Variants in RAPSN observed in about 807,000 individuals in gnomAD.
RAPSN encodes the protein receptor associated protein of the synapse, also known as 43 kDa receptor-associated protein of the synapse.
In RAPSN, 33 loss-of-function variants were observed where a neutral mutation model predicts 45.7. The observed-to-expected ratio is 0.72, with a 90% CI of 0.55 to 0.97. The LOEUF (loss-of-function observed/expected upper bound fraction) is 0.97. Among genes scored for constraint, RAPSN ranks in the 50% least tolerant of loss-of-function variants. The pLI, the probability that RAPSN is intolerant of heterozygous loss-of-function variation, is 0.00. For missense variants in RAPSN, 519 were observed against 559.4 expected, an observed-to-expected ratio of 0.93 and a Z score of 0.73; for synonymous variants, 244 against 233.6, an observed-to-expected ratio of 1.04 and a Z score of -0.40.
chr11:47,447,769 C>T (rs1009572970), intron 2 of RAPSN, 43 bp downstream of exon 2: 15 of 1,572,170 alleles, frequency 9.5e-6, no homozygotes, highest in Non-Finnish European at 1.3e-5. Context: ...GAGAGGGGAG[C>T]CCCAAAACCC....
chr11:47,441,616 C>G lies in RAPSN; in HGVS notation c.907G>C (p.Asp303His), dbSNP rs1420860393. Residue 303 changes from aspartate (D) to histidine (H), a missense_variant, in exon 5 of 8, where the codon GAC (aspartate) becomes CAC (histidine). Asp to His is a moderately conservative substitution (Grantham distance 81, BLOSUM62 -1). Transcript: ENST00000298854. ...AKCWVARKAL[D>H]KALDAIERAQ... ...TGGGAAAGGCCCGACCTCACCTTGT[C>G]CAGCGCCTTCCTGGCCACCCAGCAC... The G allele has an allele frequency of 6.2e-7, 1 of 1,606,420 alleles. No individual in the cohort carries two copies.
At chr11:47,447,682 C>T in intron 2 of RAPSN, 130 bp downstream of exon 2, 5 of 1,110,092 alleles carry the variant, frequency 4.5e-6, no homozygotes, top group Admixed American at 4.7e-5. Flanking sequence ...AGCCTTTTTG[C>T]TCTCTGATTC....
Position 47,449,077 on chromosome 11 carries a change from G to A in RAPSN, c.-113C>T, listed in dbSNP as rs547817383. 114 of 1,333,244 alleles carry A rather than the reference G, an allele frequency of 8.6e-5. No homozygotes were observed. In the East Asian group the frequency reaches 2.6e-3, roughly 30 times the overall value. 82.6% of individuals were successfully genotyped at this position (1,333,244 alleles called of 1,614,324 possible). A position where few individuals can be genotyped will look rare whatever the true frequency, so the allele number is the denominator to read the frequency against. ...TGCCCCCCGAAACGTGGGAACAAAA[G>A]CAGCGTCGGGTGGGAGCCGGAATGG... On this transcript the variant is annotated 5_prime_UTR_variant, in exon 1 of 8. Transcript: ENST00000298854.
intron 1 of RAPSN, among the ~76,000 whole-genome samples, 196 bp downstream of exon 1, chr11:47,448,577 G>T (rs899081483): frequency 2.0e-5 from 3 of 152,190 alleles, no homozygotes; most frequent in Admixed American, 6.5e-5. Context: ...CACAGTTCAA[G>T]GCCACAGGCC....
At chr11:47,444,922 C>T (rs965433570) in intron 2 of RAPSN, among the ~76,000 whole-genome samples, 1 of 147,316 alleles carries the variant, frequency 6.8e-6, no homozygotes, top group African/African-American at 2.5e-5. Flanking sequence ...ACTACAACCA[C>T]ACACACAAAT....
intron 6 of RAPSN, 26 bp from the exon 7 acceptor site, chr11:47,438,957 C>G (rs1346632389): frequency 5.8e-6 from 9 of 1,548,896 alleles, no homozygotes; most frequent in Non-Finnish European, 7.8e-6. Flanking sequence ...GTGGAGAGCG[C>G]CAGTGGGGGA....
In RAPSN at chr11:47,448,010, C is replaced by T; in HGVS notation, c.333G>A (p.Gly111=). The T allele has an allele frequency of 6.2e-7, 1 of 1,614,004 alleles. No homozygotes were observed. Among genetic ancestry groups the T allele is most frequent in the Non-Finnish European group, 8.5e-7 (1 of 1,180,002 alleles). The change falls in exon 2 of 8, where the codon GGG becomes GGA. Residue 111 remains glycine, a synonymous_variant. Transcript: ENST00000298854. ...GGGCACCTGCCCTGGTACCAGGCAGCCCAAGGCAGGTCTTGCAGTAGGAGA... is the reference window on the plus strand; with the variant it reads ...GGGCACCTGCCCTGGTACCAGGCAGTCCAAGGCAGGTCTTGCAGTAGGAGA... ...KTISYCKTCL[G]LPGTRAGAQL...
At position 47,441,849 on chromosome 11, in the gene RAPSN, T is replaced by C. The variant is rs765753632; in HGVS notation, c.763A>G (p.Ile255Val). ...TCCAGGTCCCCACGGCTCCGGTGGATGTCAGCGAAGCAGAGCAGGCAGAGC... is the reference window on the plus strand; with the variant it reads ...TCCAGGTCCCCACGGCTCCGGTGGACGTCAGCGAAGCAGAGCAGGCAGAGC... Reference protein sequence around the residue: ...QALCLLCFADIHRSRGDLETA... With the variant: ...QALCLLCFADVHRSRGDLETA... The change falls in exon 4 of 8, where the codon ATC (isoleucine) becomes GTC (valine). Residue 255 changes from isoleucine (I) to valine (V), a missense_variant. Ile to Val is a conservative substitution (Grantham distance 29). Transcript: ENST00000298854. The C allele has an allele frequency of 3.8e-6, 6 of 1,588,400 alleles. No homozygotes were observed. Among genetic ancestry groups the C allele is most frequent in the Non-Finnish European group, 5.1e-6 (6 of 1,174,204 alleles).
At chr11:47,446,271 C>T (rs1012902913) in intron 2 of RAPSN, among the ~76,000 whole-genome samples, 5 of 151,742 alleles carry the variant, frequency 3.3e-5, no homozygotes, top group African/African-American at 1.2e-4. Flanking sequence ...AACTCCTGGT[C>T]TTGAGCGATC....
In RAPSN at chr11:47,448,142, C is replaced by T. The variant is rs1381112188; in HGVS notation, c.201G>A (p.Val67=). The part of the protein sequence containing the change: ...GRYKEMLKFA[V]VQIDTARELE... ...GCTCCCGGGCCGTGTCGATCTGGACCACAGCGAACTGCACACAGCGACGGT... is the reference window on the plus strand; with the variant it reads ...GCTCCCGGGCCGTGTCGATCTGGACTACAGCGAACTGCACACAGCGACGGT... The change falls in exon 2 of 8, where the codon GTG becomes GTA. Residue 67 remains valine (V), a synonymous_variant. Transcript: ENST00000298854. 2 of 1,611,414 alleles carry T rather than the reference C, an allele frequency of 1.2e-6. No homozygotes were observed. Among genetic ancestry groups the T allele is most frequent in the Non-Finnish European group, 1.7e-6 (2 of 1,179,950 alleles).
At chr11:47,442,393 C>A (rs911358961) in intron 3 of RAPSN, among the ~76,000 whole-genome samples, 79 of 152,214 alleles carry the variant, frequency 5.2e-4, no homozygotes, top group African/African-American at 1.6e-3. Context: ...GCACAAGTGG[C>A]TCATGCCTGG....
At position 47,449,108 on chromosome 11, in the gene RAPSN, G is replaced by T; in HGVS notation, c.-144C>A. ...TCGGGTGGGAGCCGGAATGGGGCCT[G>T]GATGGAGAGCAGGCGCCACCCTGGG... On this transcript the variant is annotated 5_prime_UTR_variant, in exon 1 of 8. Coordinates refer to ENST00000298854, the MANE Select transcript of RAPSN (RefSeq NM_005055.5). 1.0e-6 allele frequency: 1 copy of T among 985,896 alleles called. No homozygotes were observed. The allele number at this position is 985,896 out of a possible 1,614,324, so 61.1% of individuals were successfully genotyped here.
At position 47,438,950 on chromosome 11, in the gene RAPSN, G is replaced by C. The variant is rs1397469414; in HGVS notation, c.967-19C>G. The C allele has an allele frequency of 5.8e-6, 9 of 1,551,052 alleles. No homozygotes were observed. In the African/African-American group the frequency reaches 1.1e-4, roughly 19 times the overall value. On this transcript the variant is annotated intron_variant, in intron 6 of 7. Coordinates refer to ENST00000298854, the MANE Select transcript of RAPSN (RefSeq NM_005055.5). ...GGCTCAGCTGGGGCCCGCAGGAGTG[G>C]AGAGCGCCAGTGGGGGATGAGAACA...
At position 47,448,727 on chromosome 11, in the gene RAPSN, C is replaced by T. The variant is rs111865733; in HGVS notation, c.192+46G>A. 2.1e-3 allele frequency: 3,360 copies of T among 1,598,058 alleles called. 58 individuals carry two copies. The African/African-American group carries it at 0.036, about 17-fold the overall frequency. On this transcript the variant is annotated intron_variant, in intron 1 of 7. Transcript: ENST00000298854. Reference sequence around the variant, plus strand: ...GGGACTGGGGAGCCTGGGAGACATCCGGCCCCAGCCTGACCCTCGAACGCC... The same window carrying T: ...GGGACTGGGGAGCCTGGGAGACATCTGGCCCCAGCCTGACCCTCGAACGCC...
At chr11:47,438,309 G>A (rs2076330274) in intron 7 of RAPSN, among the ~76,000 whole-genome samples, 1 of 152,066 alleles carries the variant, frequency 6.6e-6, no homozygotes, top group Non-Finnish European at 1.5e-5. Flanking sequence ...GGCAGGTCTG[G>A]CCCTGGACGT....
At chr11:47,438,278 A>AT (rs1424804195) in intron 7 of RAPSN, among the ~76,000 whole-genome samples, 1 of 151,944 alleles carries the variant, frequency 6.6e-6, no homozygotes. Context: ...AGTTGAGAGG[A>AT]TGGGATGGAA....
intron 3 of RAPSN, 61 bp from the exon 4 acceptor site, chr11:47,441,982 C>A (rs1009456408): frequency 6.8e-6 from 10 of 1,471,770 alleles, no homozygotes; most frequent in Non-Finnish European, 8.3e-6. Flanking sequence ...AGTGCCCTCC[C>A]CTCAACAGAC....
intron 7 of RAPSN, 146 bp from the exon 8 acceptor site, chr11:47,438,193 C>T: frequency 4.0e-6 from 4 of 993,446 alleles, no homozygotes; most frequent in South Asian, 2.9e-5. Context: ...AACGGTCCCC[C>T]CAGGCTCCCA....
intron 2 of RAPSN, among the ~76,000 whole-genome samples, chr11:47,444,886 A>C (rs1161297203): frequency 1.3e-5 from 2 of 150,360 alleles, no homozygotes; most frequent in Non-Finnish European, 3.0e-5. Flanking sequence ...AAAAGTAAAT[A>C]AATGTCCCTA....
Sources: allele counts gnomAD v4.1 joint callset (sites outside exome capture counted in the v4.1 genomes callset), GRCh38; gene constraint gnomAD v4.1.1; transcripts MANE v1.5; gene names NCBI Gene and HGNC (gene_info 2026-07-23, HGNC 2026-07-21).